The following UBE3C variants were observed in gnomAD, a reference collection of about 807,000 sequenced individuals.
UBE3C encodes ubiquitin-protein ligase E3C.
UBE3C carries 42 observed loss-of-function variants against 129.4 expected under a neutral mutation model. The ratio of observed to expected loss-of-function variants is 0.32; its 90% confidence interval spans 0.25 to 0.42. The LOEUF is 0.42. Among genes scored for constraint, UBE3C ranks in the 10% least tolerant of loss-of-function variants. The pLI is 1.00. For synonymous variants in UBE3C, 510 were observed against 492.4 expected (o/e 1.04, Z -0.47); for missense variants, 1,049 against 1,319.1 (o/e 0.80, Z 3.17).
intron 2 of UBE3C, chr7:157,164,542 A>T (rs1210292968): frequency 2.3e-6 from 1 of 432,564 alleles, no homozygotes; most frequent in Non-Finnish European, 4.7e-6. Flanking sequence ...TAAAAGAAAG[A>T]CACTAATGAC....
intron 18 of UBE3C, among the ~76,000 whole-genome samples, chr7:157,239,861 G>T (rs773217101): frequency 2.0e-5 from 3 of 152,232 alleles, no homozygotes; most frequent in Non-Finnish European, 4.4e-5. Flanking sequence ...GGGTGCAGCT[G>T]CATGAGCTGG....
At chr7:157,237,520 G>C (rs1412549028) in intron 18 of UBE3C, among the ~76,000 whole-genome samples, 1 of 152,184 alleles carries the variant, frequency 6.6e-6, no homozygotes, top group Non-Finnish European at 1.5e-5. Flanking sequence ...AGTAGGTCTT[G>C]CTTACTATTG....
At chr7:157,199,336 G>A (rs1809213462) in intron 10 of UBE3C, among the ~76,000 whole-genome samples, 1 of 152,138 alleles carries the variant, frequency 6.6e-6, no homozygotes, top group South Asian at 2.1e-4. Context: ...AAGAAAAAAC[G>A]TTAACACTCT....
intron 15 of UBE3C, 161 bp from the exon 16 acceptor site, chr7:157,223,093 A>G (rs540180998): frequency 4.4e-6 from 3 of 676,668 alleles, no homozygotes; most frequent in East Asian, 5.6e-5. Flanking sequence ...TGCACTGTGC[A>G]TGGCTCATGG....
At chr7:157,164,556 TTTA>T (rs1808162417) in intron 2 of UBE3C, 1 of 426,344 alleles carries the variant, frequency 2.3e-6, no homozygotes. Flanking sequence ...TAATGACATT[TTTA>T]TTGTTTATCC....
At chr7:157,220,949 C>T (rs1300775719) in intron 15 of UBE3C, 173 bp downstream of exon 15, 12 of 649,608 alleles carry the variant, frequency 1.8e-5, no homozygotes, top group African/African-American at 5.5e-5. Flanking sequence ...AGCTCCATTG[C>T]GGCCACCTCT....
At chr7:157,179,598 C>G (rs1368771766) in intron 6 of UBE3C, among the ~76,000 whole-genome samples, 1 of 152,184 alleles carries the variant, frequency 6.6e-6, no homozygotes, top group Non-Finnish European at 1.5e-5. Flanking sequence ...CCAAGCACTT[C>G]AGGACTCCTG....
At chr7:157,228,721 G>A (rs1182448) in intron 17 of UBE3C, among the ~76,000 whole-genome samples, 78,554 of 152,032 alleles carry the variant, frequency 0.52, 23,261 homozygotes, top group Non-Finnish European at 0.66. Context: ...GTGCAGAGTG[G>A]CCCCATCTTG....
chr7:157,206,680 C>G (rs1586688106), intron 11 of UBE3C, among the ~76,000 whole-genome samples: 1 of 151,940 alleles, frequency 6.6e-6, no homozygotes, highest in East Asian at 1.9e-4. Flanking sequence ...CCTCTGCCTC[C>G]TGGGCTCAAG....
intron 4 of UBE3C, among the ~76,000 whole-genome samples, chr7:157,171,660 T>TTACATATATA (rs1554424035): frequency 1.0e-4 from 7 of 67,876 alleles, no homozygotes; most frequent in Non-Finnish European, 1.7e-4. Flanking sequence ...TTTAAATATT[T>TTACATATATA]TATATATATA....
intron 1 of UBE3C, chr7:157,140,089 C>T (rs1033458873): frequency 2.1e-6 from 2 of 958,436 alleles, no homozygotes; most frequent in Admixed American, 6.2e-5. Context: ...AGCTGTCTGT[C>T]CCTGAAGACG....
chr7:157,156,891 AAAAT>A (rs905482885), intron 1 of UBE3C, among the ~76,000 whole-genome samples: 3 of 152,124 alleles, frequency 2.0e-5, no homozygotes, highest in African/African-American at 4.8e-5. Flanking sequence ...AGCAGCCAAA[AAAAT>A]AAAGCTGACT....
intron 13 of UBE3C, among the ~76,000 whole-genome samples, chr7:157,216,425 A>C (rs529838601): frequency 2.7e-5 from 4 of 149,552 alleles, no homozygotes; most frequent in Non-Finnish European, 5.9e-5. Flanking sequence ...ATGTCATCGG[A>C]GTTTGTTGTA....
rs772796809 is a variant in UBE3C at position 157,139,323 on chromosome 7, C to T, written c.51C>T (p.Gly17=). 1.3e-6 allele frequency: 2 copies of T among 1,582,490 alleles called. No homozygotes were observed. The highest frequency in any genetic ancestry group is 1.1e-5 in the South Asian group (1 of 88,448). ...AGACGCGGCCCAAGGTGTCCCTTGG[C>T]GGCGCGAGCAGGAAGGTGAGGGCCG... ...DFKTRPKVSL[G]GASRKEEKAS... Residue 17 remains glycine, a synonymous_variant, in exon 1 of 23, where the codon GGC becomes GGT. Coordinates refer to ENST00000348165, the MANE Select transcript of UBE3C (RefSeq NM_014671.3).
intron 1 of UBE3C, among the ~76,000 whole-genome samples, chr7:157,144,777 C>T (rs1807559996): frequency 6.6e-6 from 1 of 152,098 alleles, no homozygotes; most frequent in Non-Finnish European, 1.5e-5. Context: ...GTCTCCCTCA[C>T]CTCACTTTTC....
intron 1 of UBE3C, 35 bp from the exon 2 acceptor site, chr7:157,163,775 T>TA: frequency 6.3e-7 from 1 of 1,599,418 alleles, no homozygotes; most frequent in Admixed American, 1.8e-5. Context: ...ATTGAAATTA[T>TA]AACCTTACCT....
intron 14 of UBE3C, 143 bp downstream of exon 14, chr7:157,217,114 C>T (rs898319392): frequency 1.6e-4 from 93 of 599,386 alleles, no homozygotes; most frequent in Admixed American, 2.6e-4. Flanking sequence ...TTATTACTAA[C>T]TCTTACGCCA....
At chr7:157,251,329 CTGTT>C (rs1796616237) in intron 19 of UBE3C, among the ~76,000 whole-genome samples, 1 of 152,126 alleles carries the variant, frequency 6.6e-6, no homozygotes, top group African/African-American at 2.4e-5. Context: ...GGCTGTTAAT[CTGTT>C]TAATAGTGAC....
At chr7:157,226,523 G>C (rs1795884082) in intron 17 of UBE3C, among the ~76,000 whole-genome samples, 1 of 152,200 alleles carries the variant, frequency 6.6e-6, no homozygotes, top group Non-Finnish European at 1.5e-5. Flanking sequence ...ATCTTACCCA[G>C]CTTTTGGAAG....
Sources: gnomAD v4.1 joint callset for allele counts (sites outside exome capture counted in the v4.1 genomes callset) on GRCh38, gnomAD v4.1.1 for gene constraint, MANE v1.5 for transcripts, NCBI Gene and HGNC (gene_info 2026-07-23, HGNC 2026-07-21) for gene names.